The following PCDH15 variants were observed in gnomAD, a reference collection of about 807,000 sequenced individuals.
The protein encoded by PCDH15 is protocadherin related 15, also known as protocadherin-15.
In PCDH15, 129 loss-of-function variants were observed where a neutral mutation model predicts 178.5. The observed-to-expected ratio is 0.72, with a 90% CI of 0.63 to 0.84. The LOEUF is 0.84. PCDH15 is among the 40% of genes least tolerant of loss of function. The pLI is 0.00. For missense variants in PCDH15, 2,230 were observed against 2,099.9 expected (o/e 1.06, Z -1.21); for synonymous variants, 800 against 732.0 (o/e 1.09, Z -1.50).
At chr10:53,905,320 A>G (rs879149786) in intron 25 of PCDH15, 7 of 470,966 alleles carry the variant, frequency 1.5e-5, no homozygotes, top group South Asian at 6.1e-5. Context: ...ACCACCATTC[A>G]TATGTACATT....
intron 2 of PCDH15, among the ~76,000 whole-genome samples, chr10:55,435,966 T>C (rs527664374): frequency 1.2e-3 from 188 of 152,260 alleles, no homozygotes; most frequent in Non-Finnish European, 2.2e-3. Flanking sequence ...ATATCCAATG[T>C]GTTGATACTC....
At chr10:54,034,457 T>C (rs538371774) in intron 18 of PCDH15, among the ~76,000 whole-genome samples, 33 of 152,050 alleles carry the variant, frequency 2.2e-4, no homozygotes, top group Middle Eastern at 3.4e-3. Flanking sequence ...TCCAAATTGG[T>C]TGATTTAAAA....
chr10:54,299,465 G>A (rs1031740211), intron 8 of PCDH15, among the ~76,000 whole-genome samples: 8 of 152,172 alleles, frequency 5.3e-5, no homozygotes, highest in Admixed American at 5.2e-4. Flanking sequence ...ATAATTAAGG[G>A]TCTTCTCTGT....
chr10:55,427,119 T>A (rs1265118649), intron 2 of PCDH15, among the ~76,000 whole-genome samples: 1 of 152,180 alleles, frequency 6.6e-6, no homozygotes, highest in Non-Finnish European at 1.5e-5. Flanking sequence ...TGCCCTCATC[T>A]TCCCAGAATC....
intron 29 of PCDH15, among the ~76,000 whole-genome samples, chr10:53,834,788 C>A (rs1416428297): frequency 6.6e-6 from 1 of 152,132 alleles, no homozygotes; most frequent in Non-Finnish European, 1.5e-5. Flanking sequence ...TTAATAAATA[C>A]ATAATCAACA....
intron 2 of PCDH15, among the ~76,000 whole-genome samples, chr10:54,964,768 A>C (rs573327295): frequency 1.2e-4 from 19 of 152,304 alleles, no homozygotes; most frequent in African/African-American, 4.6e-4. Flanking sequence ...TTTTATGTAG[A>C]GGTCAAGTTC....
At chr10:54,519,355 T>C (rs1038204618) in intron 3 of PCDH15, among the ~76,000 whole-genome samples, 78 of 152,076 alleles carry the variant, frequency 5.1e-4, no homozygotes, top group Admixed American at 8.5e-4. Flanking sequence ...ATAAGCAACT[T>C]CAGCAAAGTC....
chr10:53,970,684 T>C (rs1258731692), intron 21 of PCDH15, among the ~76,000 whole-genome samples: 1 of 151,768 alleles, frequency 6.6e-6, no homozygotes, highest in Non-Finnish European at 1.5e-5. Flanking sequence ...AGCTAGAAAG[T>C]CTAGAAGAAA....
chr10:54,363,039 C>A (rs935349957), intron 5 of PCDH15, among the ~76,000 whole-genome samples: 2 of 151,936 alleles, frequency 1.3e-5, no homozygotes, highest in Non-Finnish European at 2.9e-5. Context: ...GGAACATCAG[C>A]GTAGAAATAT....
intron 2 of PCDH15, chr10:54,607,978 C>T (rs2092818310): frequency 2.0e-6 from 1 of 493,276 alleles, no homozygotes; most frequent in Non-Finnish European, 4.0e-6. Context: ...TTTGGAAAGG[C>T]TTTGCCTACA....
intron 1 of PCDH15, among the ~76,000 whole-genome samples, chr10:54,679,665 G>A (rs540688670): frequency 6.6e-6 from 1 of 152,232 alleles, no homozygotes; most frequent in Non-Finnish European, 1.5e-5. Context: ...GAGGAGTTAA[G>A]AGTCTGGAAA....
intron 2 of PCDH15, among the ~76,000 whole-genome samples, chr10:54,917,549 G>A (rs899995411): frequency 7.2e-5 from 11 of 152,084 alleles, no homozygotes; most frequent in African/African-American, 2.7e-4. Flanking sequence ...CCTGTACTTT[G>A]CACGTCTAAC....
At chr10:55,538,604 TTCCTTCCTTCCTTCCTC>T (rs1841662639) in intron 2 of PCDH15, among the ~76,000 whole-genome samples, 1 of 67,016 alleles carries the variant, frequency 1.5e-5, no homozygotes, top group Admixed American at 1.4e-4. Context: ...CTTCCTTCCT[TTCCTTCCTTCCTTCCTC>T]CTTTCCTTCC....
At chr10:55,257,972 A>G (rs1477194614) in intron 1 of PCDH15, among the ~76,000 whole-genome samples, 1 of 152,222 alleles carries the variant, frequency 6.6e-6, no homozygotes, top group Non-Finnish European at 1.5e-5. Context: ...GCAGCCAGAG[A>G]GAAAGGTTGG....
intron 8 of PCDH15, among the ~76,000 whole-genome samples, chr10:54,264,406 G>A (rs188854510): frequency 1.2e-4 from 18 of 152,236 alleles, no homozygotes; most frequent in African/African-American, 4.1e-4. Flanking sequence ...CCTAGAAAAG[G>A]ATCCTAACCA....
At chr10:55,382,341 A>G (rs942271534) in intron 2 of PCDH15, among the ~76,000 whole-genome samples, 1 of 152,202 alleles carries the variant, frequency 6.6e-6, no homozygotes, top group African/African-American at 2.4e-5. Context: ...ACTTTAAATA[A>G]GAAAATTAAC....
At chr10:55,100,372 G>A (rs7920223) in intron 2 of PCDH15, among the ~76,000 whole-genome samples, 1 of 151,784 alleles carries the variant, frequency 6.6e-6, no homozygotes, top group South Asian at 2.1e-4. Context: ...TATTCCTACC[G>A]ATATTTTTTA....
At chr10:54,555,172 T>C (rs1255674901) in intron 2 of PCDH15, among the ~76,000 whole-genome samples, 1 of 152,138 alleles carries the variant, frequency 6.6e-6, no homozygotes, top group East Asian at 1.9e-4. Flanking sequence ...TTCTGATTGA[T>C]TCAGGCACAG....
chr10:55,000,442 T>C (rs919866318), intron 2 of PCDH15, among the ~76,000 whole-genome samples: 2 of 152,238 alleles, frequency 1.3e-5, no homozygotes, highest in Non-Finnish European at 2.9e-5. Context: ...TGTTATCTTG[T>C]TCTTTTTTCA....
Sources: allele counts gnomAD v4.1 joint callset (sites outside exome capture counted in the v4.1 genomes callset), GRCh38; gene constraint gnomAD v4.1.1; transcripts MANE v1.5; gene names NCBI Gene and HGNC (gene_info 2026-07-23, HGNC 2026-07-21).